PTPN21: variants seen among roughly 807,000 people sequenced by gnomAD.
PTPN21 encodes tyrosine-protein phosphatase non-receptor type 21.
PTPN21 carries 77 observed loss-of-function variants against 131.8 expected under a neutral mutation model. That is an observed-to-expected ratio of 0.58 (90% CI 0.49 to 0.71). The LOEUF is 0.71. Ranked by LOEUF, PTPN21 falls within the 30% of genes least tolerant of loss-of-function variation. The pLI is 0.00. For synonymous variants in PTPN21, 715 were observed against 621.3 expected, an observed-to-expected ratio of 1.15 and a Z score of -2.24; for missense variants, 1,552 against 1,527.1, an observed-to-expected ratio of 1.02 and a Z score of -0.27.
intron 3 of PTPN21, chr14:88,512,490 C>T (rs1204102778): frequency 6.6e-6 from 1 of 152,072 alleles, no homozygotes; most frequent in Non-Finnish European, 1.5e-5. Context: ...GAAATGGAGC[C>T]ATTTGTCATG....
chr14:88,500,922 A>T, intron 7 of PTPN21, 51 bp from the exon 8 acceptor site: 4 of 1,309,826 alleles, frequency 3.1e-6, no homozygotes, highest in Non-Finnish European at 4.4e-6. Flanking sequence ...ATGCAGAGGA[A>T]CTGCTGCTAG....
At chr14:88,473,900 G>C in intron 13 of PTPN21, 98 bp from the exon 14 acceptor site, 2 of 1,095,106 alleles carry the variant, frequency 1.8e-6, no homozygotes, top group African/African-American at 1.6e-5. Flanking sequence ...CACAGAGGGA[G>C]TGTTCTCCTT....
In PTPN21 at chr14:88,484,928, C is replaced by T. The variant is rs535636658; in HGVS notation, c.1078+148G>A. On this transcript the variant is annotated intron_variant, in intron 12 of 18. Transcript: ENST00000556564. ...CAAACAAAAAACAATATATTGGCTT[C>T]TTTTATGAATCCAGGATAGCTATTA... 1,209 of 641,812 alleles carry T rather than the reference C, an allele frequency of 1.9e-3. 8 individuals carry two copies. Among genetic ancestry groups the T allele is most frequent in the South Asian group, 2.7e-3 (145 of 53,050 alleles). 39.8% of individuals were successfully genotyped at this position (641,812 alleles called of 1,614,324 possible).
rs375174920 is a variant in PTPN21 at position 88,501,249 on chromosome 14, T to C, written c.675+32A>G. 9 of 1,554,336 alleles carry C rather than the reference T, an allele frequency of 5.8e-6. No homozygotes were observed. In the African/African-American group the frequency reaches 1.2e-4, roughly 21 times the overall value. ...TTTTCTCAAATTTGTAAGCCTAACT[T>C]TAAAGAGCCCCAGCCGCCAAGCCAC... On this transcript the variant is annotated intron_variant, in intron 7 of 18. Coordinates refer to ENST00000556564, the MANE Select transcript of PTPN21 (RefSeq NM_007039.4).
At chr14:88,483,918 T>A (rs906108859) in intron 12 of PTPN21, among the ~76,000 whole-genome samples, 1 of 152,142 alleles carries the variant, frequency 6.6e-6, no homozygotes, top group African/African-American at 2.4e-5. Context: ...GAGGATAGCT[T>A]GGGCCCAGGA....
chr14:88,474,424 A>C (rs2077520249), intron 13 of PTPN21, among the ~76,000 whole-genome samples: 2 of 152,126 alleles, frequency 1.3e-5, no homozygotes, highest in African/African-American at 4.8e-5. Context: ...AACTGAACTT[A>C]AGCAGTGTTG....
chr14:88,506,486 C>T (rs1035144327), intron 4 of PTPN21, among the ~76,000 whole-genome samples: 1 of 152,078 alleles, frequency 6.6e-6, no homozygotes, highest in African/African-American at 2.4e-5. Context: ...CTATGTTGCC[C>T]AGGCTGGTCT....
chr14:88,468,901 C>A lies in PTPN21; in HGVS notation c.3396+15G>T. The A allele has an allele frequency of 6.2e-7, 1 of 1,613,868 alleles. No homozygotes were observed. The highest frequency in any genetic ancestry group is 1.1e-5 in the South Asian group (1 of 91,050). On this transcript the variant is annotated intron_variant, in intron 18 of 18. Coordinates refer to ENST00000556564, the MANE Select transcript of PTPN21 (RefSeq NM_007039.4). The stretch of plus-strand genomic sequence containing the variant: ...TTTCCACCCAAAAAGGCCAGGTGAT[C>A]ATAAGCGCCATCACCTCATTGTGTT...
At chr14:88,470,113 T>C (rs1409299002) in intron 15 of PTPN21, 63 bp from the exon 16 acceptor site, 72 of 1,526,958 alleles carry the variant, frequency 4.7e-5, no homozygotes, top group Non-Finnish European at 6.3e-6. Context: ...TATGTATGCA[T>C]GCATTCATGG....
intron 12 of PTPN21, among the ~76,000 whole-genome samples, chr14:88,480,686 G>T (rs528322741): frequency 2.4e-4 from 37 of 152,306 alleles, no homozygotes; most frequent in African/African-American, 8.9e-4. Flanking sequence ...GCACTGGGCT[G>T]GGGACTCTGC....
At chr14:88,484,191 G>A (rs60651492) in intron 12 of PTPN21, among the ~76,000 whole-genome samples, 5,550 of 151,062 alleles carry the variant, frequency 0.037, 343 homozygotes, top group African/African-American at 0.13. Context: ...GGGACTGGAG[G>A]TGCATACCAC....
chr14:88,478,912 T>A lies in PTPN21; in HGVS notation c.2511+8A>T. 1 of 1,466,888 alleles carries A rather than the reference T, an allele frequency of 6.8e-7. No homozygotes were observed. The highest frequency in any genetic ancestry group is 1.4e-5 in the South Asian group (1 of 69,822). The allele number at this position is 1,466,888 out of a possible 1,614,324, so 90.9% of individuals were successfully genotyped here. A position where few individuals can be genotyped will look rare whatever the true frequency, so the allele number is the denominator to read the frequency against. On this transcript the variant is annotated splice_region_variant and intron_variant, in intron 13 of 18. Coordinates refer to ENST00000556564, the MANE Select transcript of PTPN21 (RefSeq NM_007039.4). Reference sequence around the variant, plus strand: ...CCCTGGCCCGGCACTGCTCGCCGCGTGGCTTACCCCTAGAGGCGGGAGCCC... The same window carrying A: ...CCCTGGCCCGGCACTGCTCGCCGCGAGGCTTACCCCTAGAGGCGGGAGCCC...
At position 88,538,246 on chromosome 14, in the gene PTPN21, C is replaced by T. The variant is rs573211360; in HGVS notation, c.180+11992G>A. Among the ~76,000 whole-genome samples, 3 of 152,334 alleles carry T rather than the reference C, an allele frequency of 2.0e-5. No individual in the cohort carries two copies. The South Asian group carries it at 6.2e-4, about 32-fold the overall frequency. On this transcript the variant is annotated intron_variant, in intron 2 of 18. Coordinates refer to ENST00000556564, the MANE Select transcript of PTPN21 (RefSeq NM_007039.4). ...TCACGAAAGGCAGCCAGCACTTCAA[C>T]GGACTCACTGCCTCTACCTTTCTCC...
chr14:88,519,003 AC>A (rs2078348787), intron 2 of PTPN21, among the ~76,000 whole-genome samples: 13 of 152,184 alleles, frequency 8.5e-5, no homozygotes, highest in Admixed American at 8.5e-4. Context: ...ACACACACAC[AC>A]ACACACAGAG....
intron 10 of PTPN21, among the ~76,000 whole-genome samples, chr14:88,487,452 AAATT>A (rs1197291147): frequency 1.3e-5 from 2 of 152,172 alleles, no homozygotes; most frequent in Admixed American, 6.5e-5. Context: ...CATGTCTCAT[AAATT>A]AATATTACTC....
chr14:88,474,571 G>A (rs977136637), intron 13 of PTPN21, among the ~76,000 whole-genome samples: 31 of 151,866 alleles, frequency 2.0e-4, no homozygotes, highest in African/African-American at 7.5e-4. Context: ...TGTGTGTTAA[G>A]CCCCCTCCTC....
chr14:88,495,007 T>G (rs1231984164), intron 10 of PTPN21, among the ~76,000 whole-genome samples: 2 of 94,768 alleles, frequency 2.1e-5, no homozygotes, highest in East Asian at 2.9e-4. Context: ...AGCGAGACTC[T>G]GTCTCCAAAA....
chr14:88,495,680 A>C (rs904234684), intron 10 of PTPN21, among the ~76,000 whole-genome samples: 7 of 152,204 alleles, frequency 4.6e-5, no homozygotes, highest in Admixed American at 1.3e-4. Flanking sequence ...GACTGAGAAG[A>C]AACAGCCTAG....
At chr14:88,526,695 T>C (rs2078483560) in intron 2 of PTPN21, among the ~76,000 whole-genome samples, 1 of 151,894 alleles carries the variant, frequency 6.6e-6, no homozygotes, top group Non-Finnish European at 1.5e-5. Context: ...GAACAGGTGG[T>C]GTTTGGTTAC....
Sources: allele counts gnomAD v4.1 joint callset (sites outside exome capture counted in the v4.1 genomes callset), GRCh38; gene constraint gnomAD v4.1.1; transcripts MANE v1.5; gene names NCBI Gene and HGNC (gene_info 2026-07-23, HGNC 2026-07-21).